Variants in CKAP5 observed in about 807,000 individuals in gnomAD.
The protein encoded by CKAP5 is cytoskeleton-associated protein 5.
CKAP5 carries 27 observed loss-of-function variants against 232.8 expected under a neutral mutation model. The ratio of observed to expected loss-of-function variants is 0.12; its 90% CI spans 0.09 to 0.16. CKAP5 has a LOEUF of 0.16. CKAP5 is among the 10% of genes least tolerant of loss of function. CKAP5 has a pLI of 1.00. For synonymous variants in CKAP5, 785 were observed against 841.1 expected, an observed-to-expected ratio of 0.93 and a Z score of 1.16; for missense variants, 1,838 against 2,424.7, an observed-to-expected ratio of 0.76 and a Z score of 5.08.
chr11:46,745,842 C>G (rs1164602266), intron 42 of CKAP5, among the ~76,000 whole-genome samples: 1 of 152,072 alleles, frequency 6.6e-6, no homozygotes, highest in East Asian at 1.9e-4. Context: ...ATCCCAGCTA[C>G]TCGGGAGGCC....
At chr11:46,778,377 C>T (rs2065308777) in intron 21 of CKAP5, 64 bp from the exon 22 acceptor site, 1 of 1,600,852 alleles carries the variant, frequency 6.2e-7, no homozygotes, top group East Asian at 2.2e-5. Context: ...ACGTTAAGTT[C>T]CCCTCACTGA....
At chr11:46,754,819 C>T in intron 36 of CKAP5, 69 bp downstream of exon 36, 2 of 1,363,752 alleles carry the variant, frequency 1.5e-6, no homozygotes, top group East Asian at 2.3e-5. Flanking sequence ...TCTGCATGGA[C>T]TCTGGCTTTT....
chr11:46,827,455 C>T (rs1183641091), intron 1 of CKAP5, among the ~76,000 whole-genome samples: 4 of 151,980 alleles, frequency 2.6e-5, no homozygotes, highest in Non-Finnish European at 4.4e-5. Context: ...CAAAGTGAGA[C>T]CCCATCTCTA....
Position 46,809,735 on chromosome 11 carries a change from G to C in CKAP5, c.763+7C>G. On this transcript the variant is annotated splice_region_variant and intron_variant, in intron 6 of 43. Transcript: ENST00000529230. ...TTTGCAGAAACCGGTGTTTAAAATTGGCTTACCTCCTTCAGCATCTCCACC... is the reference window on the plus strand; with the variant it reads ...TTTGCAGAAACCGGTGTTTAAAATTCGCTTACCTCCTTCAGCATCTCCACC... The C allele has an allele frequency of 1.9e-6, 3 of 1,613,596 alleles. No individual in the cohort carries two copies. The highest frequency in any genetic ancestry group is 1.7e-6 in the Non-Finnish European group (2 of 1,179,918).
chr11:46,834,898 C>G (rs1939880439), intron 1 of CKAP5, among the ~76,000 whole-genome samples: 1 of 152,038 alleles, frequency 6.6e-6, no homozygotes, highest in African/African-American at 2.4e-5. Flanking sequence ...CTCCACCTCC[C>G]AGGCCCAAGT....
intron 1 of CKAP5, among the ~76,000 whole-genome samples, chr11:46,845,879 G>C (rs1048605096): frequency 2.0e-5 from 3 of 152,074 alleles, no homozygotes; most frequent in South Asian, 2.1e-4. Context: ...GCCGGCTCTC[G>C]GGGCCCCCGC....
chr11:46,776,175 T>C (rs1003326694), intron 24 of CKAP5, 80 bp downstream of exon 24: 3 of 1,163,650 alleles, frequency 2.6e-6, no homozygotes, highest in Admixed American at 4.6e-5. Context: ...TAACCATAAA[T>C]GCGTATTTAT....
At chr11:46,840,702 T>A (rs1309433811) in intron 1 of CKAP5, among the ~76,000 whole-genome samples, 1 of 152,158 alleles carries the variant, frequency 6.6e-6, no homozygotes, top group Non-Finnish European at 1.5e-5. Context: ...CCCCTATACC[T>A]CACCCTATAT....
intron 22 of CKAP5, 87 bp from the exon 23 acceptor site, chr11:46,777,639 C>T (rs2065302990): frequency 1.2e-5 from 10 of 815,424 alleles, no homozygotes; most frequent in South Asian, 9.2e-5. Context: ...ACTGTCAATA[C>T]AGCAGGAGAT....
At chr11:46,744,711 ACCTGGAG>A (rs1414987517) in intron 42 of CKAP5, 134 bp from the exon 43 acceptor site, 1 of 797,654 alleles carries the variant, frequency 1.3e-6, no homozygotes, top group Non-Finnish European at 2.0e-6. Flanking sequence ...ACAAGAATCT[ACCTGGAG>A]TTGGTGATAA....
rs7934798 is a variant in CKAP5 at position 46,743,733 on chromosome 11, T to G, written c.*290A>C. The G allele has an allele frequency of 7.8e-6, 2 of 255,588 alleles. No homozygotes were observed. Among genetic ancestry groups the G allele is most frequent in the African/African-American group, 5.5e-5 (2 of 36,044 alleles). 15.8% of individuals were successfully genotyped at this position (255,588 alleles called of 1,614,324 possible). ...TAGGACAATTTTACAAATGAGCAAT[T>G]AAAAAGAAAAGAAAAGGATCTGGGA... On this transcript the variant is annotated 3_prime_UTR_variant, in exon 44 of 44. Transcript: ENST00000529230.
intron 1 of CKAP5, among the ~76,000 whole-genome samples, chr11:46,841,425 T>A (rs1267844695): frequency 6.6e-6 from 1 of 152,202 alleles, no homozygotes; most frequent in Non-Finnish European, 1.5e-5. Context: ...GATAAACTTA[T>A]TAAAGTTTCT....
intron 13 of CKAP5, among the ~76,000 whole-genome samples, chr11:46,795,278 A>G (rs1938842070): frequency 6.6e-6 from 1 of 152,004 alleles, no homozygotes; most frequent in African/African-American, 2.4e-5. Context: ...CAGTGAGCCA[A>G]GATTGCATCA....
At chr11:46,804,904 A>G (rs1476052487) in intron 8 of CKAP5, among the ~76,000 whole-genome samples, 2 of 151,662 alleles carry the variant, frequency 1.3e-5, no homozygotes, top group East Asian at 3.9e-4. Flanking sequence ...TGACAAAATC[A>G]AAGAAGCGAT....
intron 38 of CKAP5, 39 bp downstream of exon 38, chr11:46,752,596 A>C: frequency 6.6e-7 from 1 of 1,509,302 alleles, no homozygotes; most frequent in Non-Finnish European, 9.2e-7. Flanking sequence ...AAGTGATTGC[A>C]TCTTTGAAAG....
intron 10 of CKAP5, 54 bp from the exon 11 acceptor site, chr11:46,798,023 AAAT>A: frequency 6.2e-7 from 1 of 1,605,144 alleles, no homozygotes; most frequent in Non-Finnish European, 8.5e-7. Context: ...AGAACAATCA[AAAT>A]ATTATATTTA....
At chr11:46,839,228 A>G (rs1334281188) in intron 1 of CKAP5, among the ~76,000 whole-genome samples, 2 of 152,248 alleles carry the variant, frequency 1.3e-5, no homozygotes, top group African/African-American at 4.8e-5. Context: ...TTTAAGTTGA[A>G]GCCTGAGAGT....
At chr11:46,825,592 A>T (rs1401251195) in intron 1 of CKAP5, among the ~76,000 whole-genome samples, 1 of 152,176 alleles carries the variant, frequency 6.6e-6, no homozygotes, top group African/African-American at 2.4e-5. Flanking sequence ...CTATCACAAT[A>T]CAAGAGATCT....
At chr11:46,790,215 AG>A (rs1441670843) in intron 14 of CKAP5, 29 bp from the exon 15 acceptor site, 1 of 1,470,252 alleles carries the variant, frequency 6.8e-7, no homozygotes, top group Non-Finnish European at 9.5e-7. Flanking sequence ...TATTAGAATT[AG>A]GAATTGCTTA....
Sources: allele counts gnomAD v4.1 joint callset (sites outside exome capture counted in the v4.1 genomes callset), GRCh38; gene constraint gnomAD v4.1.1; transcripts MANE v1.5; gene names NCBI Gene and HGNC (gene_info 2026-07-23, HGNC 2026-07-21).